Variants in TPPP observed in about 807,000 individuals in gnomAD.
TPPP encodes the protein tubulin polymerization promoting protein, also known as tubulin polymerization-promoting protein.
Under a neutral mutation model 15.5 loss-of-function variants are expected in TPPP, and 6 were observed. The ratio of observed to expected loss-of-function variants is 0.39; its 90% confidence interval spans 0.21 to 0.77. The LOEUF (loss-of-function observed/expected upper bound fraction) is 0.77. TPPP is among the 30% of genes least tolerant of loss of function. The pLI, the probability that TPPP is intolerant of heterozygous loss-of-function variation, is 0.42. For missense variants in TPPP, 269 were observed against 307.2 expected, an observed-to-expected ratio of 0.88 and a Z score of 0.93; for synonymous variants, 146 against 133.9, an observed-to-expected ratio of 1.09 and a Z score of -0.63.
Position 676,818 on chromosome 5 carries a change from GCACACATGCGCACACGTGCA to G in TPPP, c.311+912_311+931del, listed in dbSNP as rs141402617. On this transcript the variant is annotated intron_variant, in intron 2 of 3. Transcript: ENST00000360578. The stretch of plus-strand genomic sequence containing the variant: ...CGCACGTGCACATGCAGAAACACAT[GCACACATGCGCACACGTGCA>G]CACACGACACAGAAACGCGCACACA... Among the ~76,000 whole-genome samples, 8 of 99,912 alleles carry G rather than the reference GCACACATGCGCACACGTGCA, an allele frequency of 8.0e-5. No homozygotes were observed. In the African/African-American group the frequency reaches 1.1e-3, roughly 13 times the overall value. 65.5% of individuals were successfully genotyped at this position (99,912 alleles called of 152,430 possible).
At chr5:696,836 GTGTTCAGCTGTGTA>G (rs1440390208), upstream of TPPP, among the ~76,000 whole-genome samples, 19 of 124,950 alleles carry the variant, frequency 1.5e-4, no homozygotes, top group African/African-American at 5.2e-4. Flanking sequence ...ATGTTGGTAT[GTGTTCAGCTGTGTA>G]TGTTCAGCTG....
intron 2 of TPPP, among the ~76,000 whole-genome samples, chr5:672,796 G>A (rs115523291): frequency 0.01 from 1,559 of 152,374 alleles, 14 homozygotes; most frequent in South Asian, 0.02. Context: ...GCCACCGCAC[G>A]CTCTTTGCAG....
chr5:692,030 ACCCCTATCAAAACAGCAGCCCCCAAC>A (rs1740891746), intron 1 of TPPP, among the ~76,000 whole-genome samples: 5 of 93,070 alleles, frequency 5.4e-5, no homozygotes, highest in Admixed American at 5.3e-4. Context: ...CAGCCTCCCA[ACCCCTATCAAAACAGCAGCCCCCAAC>A]CCCCTATCAA....
Position 665,971 on chromosome 5 carries a change from G to T in TPPP, c.464C>A (p.Thr155Lys). The part of the protein sequence containing the change: ...EGKAPIISGV[T>K]KAISSPTVSR... ...GCCTTCCATCCCCGCCCTGCTCACCGTCACCCCTGAGATGATGGGCGCCTT... is the reference window on the plus strand; with the variant it reads ...GCCTTCCATCCCCGCCCTGCTCACCTTCACCCCTGAGATGATGGGCGCCTT... The change falls in exon 3 of 4, where the codon ACG becomes AAG. Residue 155 changes from threonine to lysine, a missense_variant and splice_region_variant. Coordinates refer to ENST00000360578, the MANE Select transcript of TPPP (RefSeq NM_007030.3). 9.1e-7 allele frequency: 1 copy of T among 1,098,886 alleles called. No homozygotes were observed. The highest frequency in any genetic ancestry group is 1.2e-6 in the Non-Finnish European group (1 of 858,398). The allele number at this position is 1,098,886 out of a possible 1,614,324, so 68.1% of individuals were successfully genotyped here. A position where few individuals can be genotyped will look rare whatever the true frequency, so the allele number is the denominator to read the frequency against.
intron 1 of TPPP, among the ~76,000 whole-genome samples, chr5:692,367 C>G (rs1283191434): frequency 1.6e-5 from 2 of 128,640 alleles, no homozygotes; most frequent in East Asian, 4.9e-4. Flanking sequence ...AACAGCAGCC[C>G]TCCAACCCCC....
upstream of TPPP, among the ~76,000 whole-genome samples, chr5:694,329 G>A (rs1239402433): frequency 3.5e-5 from 5 of 144,754 alleles, no homozygotes; most frequent in South Asian, 2.2e-4. Flanking sequence ...AGGCCGAGGC[G>A]CAGCCCCCCA....
rs916078934 is a variant in TPPP, at chr5:693,326, G to C, written c.-53C>G. 2 of 150,276 alleles carry C rather than the reference G, an allele frequency of 1.3e-5. No homozygotes were observed. Among genetic ancestry groups the C allele is most frequent in the African/African-American group, 4.9e-5 (2 of 41,088 alleles). The allele number at this position is 150,276 out of a possible 1,614,324, so 9.3% of individuals were successfully genotyped here. On this transcript the variant is annotated 5_prime_UTR_variant, in exon 1 of 4. Transcript: ENST00000360578. Reference sequence around the variant, plus strand: ...GGAGGCGCCTCCGCGACTCGGCCGCGCGCGACCCGGTGCTCAGCGGAGCTC... The same window carrying C: ...GGAGGCGCCTCCGCGACTCGGCCGCCCGCGACCCGGTGCTCAGCGGAGCTC...
At chr5:665,362 G>T (rs1739853210) in intron 3 of TPPP, 66 bp from the exon 4 acceptor site, 1 of 1,490,570 alleles carries the variant, frequency 6.7e-7, no homozygotes, top group Non-Finnish European at 9.1e-7. Context: ...CAAGTGAAAT[G>T]GCTGTGCCCT....
At chr5:675,213 C>G (rs66914035) in intron 2 of TPPP, among the ~76,000 whole-genome samples, 1 of 44,988 alleles carries the variant, frequency 2.2e-5, no homozygotes, top group African/African-American at 1.2e-4. Flanking sequence ...TCAGTGTAGC[C>G]GGGGGTGCAG....
At position 692,738 on chromosome 5, in the gene TPPP, C is replaced by G. The variant is rs894591595; in HGVS notation, c.-5+540G>C. 3.1e-6 allele frequency: 3 copies of G among 979,716 alleles called. No individual in the cohort carries two copies. The African/African-American group carries it at 5.3e-5, about 17-fold the overall frequency. The allele number at this position is 979,716 out of a possible 1,614,324, so 60.7% of individuals were successfully genotyped here. A position where few individuals can be genotyped will look rare whatever the true frequency, so the allele number is the denominator to read the frequency against. ...GGCTCTGCGGGGGGCGGTCTGACAG[C>G]CCCACCTGCCAGGACGCGGTGGTGT... On this transcript the variant is annotated intron_variant, in intron 1 of 3. Coordinates refer to ENST00000360578, the MANE Select transcript of TPPP (RefSeq NM_007030.3).
chr5:668,589 T>G (rs1580077195), intron 2 of TPPP, among the ~76,000 whole-genome samples: 2 of 152,088 alleles, frequency 1.3e-5, no homozygotes, highest in South Asian at 2.1e-4. Flanking sequence ...GGCCGCGGGG[T>G]GGGGGCCTCG....
chr5:696,794 CTGTA>C (rs56902541), upstream of TPPP, among the ~76,000 whole-genome samples: 14,153 of 92,454 alleles, frequency 0.15, 45 homozygotes, highest in African/African-American at 0.3. Context: ...GAATGTGCAC[CTGTA>C]TGTGTGAGTA....
chr5:667,077 AC>A (rs200507456), intron 2 of TPPP: 15 of 151,204 alleles, frequency 9.9e-5, no homozygotes, highest in African/African-American at 3.7e-4. Context: ...GACCCATAAA[AC>A]CCCAGCAAGC....
At position 678,004 on chromosome 5, in the gene TPPP, C is replaced by T. The variant is rs138862056; in HGVS notation, c.57G>A (p.Pro19=). Residue 19 remains proline, a synonymous_variant, in exon 2 of 4, where the codon CCG becomes CCA. Transcript: ENST00000360578. ...KAANRTPPKS[P]GDPSKDRAAK... ...CTGCCCGGTCCTTCGAGGGGTCCCC[C>T]GGGGACTTGGGGGGCGTCCTGTTGG... The T allele has an allele frequency of 5.5e-4, 878 of 1,604,730 alleles. 5 individuals carry two copies. In the African/African-American group the frequency reaches 9.2e-3, roughly 17 times the overall value.
chr5:683,284 C>A (rs865775439), intron 1 of TPPP, among the ~76,000 whole-genome samples: 1 of 76,942 alleles, frequency 1.3e-5, no homozygotes, highest in Admixed American at 1.1e-4. Context: ...CCTGTCTCTG[C>A]GGAGAAAGAC....
chr5:699,265 G>A, the TPPP span, among the ~76,000 whole-genome samples: 2 of 152,096 alleles, frequency 1.3e-5, no homozygotes, highest in African/African-American at 4.8e-5. Flanking sequence ...AACCAAAACA[G>A]CATGGTAGTA....
chr5:696,616 C>T (rs544489706), upstream of TPPP, among the ~76,000 whole-genome samples: 11 of 120,250 alleles, frequency 9.1e-5, no homozygotes, highest in African/African-American at 2.8e-4. Flanking sequence ...GAAGTAACGA[C>T]GTGCCTGCCT....
chr5:685,267 C>A (rs1740736184), intron 1 of TPPP, among the ~76,000 whole-genome samples: 1 of 152,242 alleles, frequency 6.6e-6, no homozygotes, highest in African/African-American at 2.4e-5. Context: ...CTCCTGCTCT[C>A]CAGGGACCCT....
Position 661,451 on chromosome 5 carries a change from G to GGT in TPPP, c.*3649_*3650dup. 6.6e-6 allele frequency: 1 copy of GGT among 152,194 alleles called. No individual in the cohort carries two copies. Among genetic ancestry groups the GGT allele is most frequent in the East Asian group, 1.9e-4 (1 of 5,328 alleles). 9.4% of individuals were successfully genotyped at this position (152,194 alleles called of 1,614,324 possible). On this transcript the variant is annotated 3_prime_UTR_variant, in exon 4 of 4. Coordinates refer to ENST00000360578, the MANE Select transcript of TPPP (RefSeq NM_007030.3). ...CCGACAGAACCTGTCCCTGTGTCCT[G>GGT]GTGTCACCCCTGACAGAACCTGTCC... is the stretch of plus-strand genomic sequence containing the variant.
Sources: allele counts gnomAD v4.1 joint callset (sites outside exome capture counted in the v4.1 genomes callset), GRCh38; gene constraint gnomAD v4.1.1; transcripts MANE v1.5; gene names NCBI Gene and HGNC (gene_info 2026-07-23, HGNC 2026-07-21).